BCAS3: variants seen among roughly 807,000 people sequenced by gnomAD.
The protein encoded by BCAS3 is BCAS3 microtubule associated cell migration factor.
Under a neutral mutation model 116.1 loss-of-function variants are expected in BCAS3, and 53 were observed. The observed-to-expected ratio is 0.46, with a 90% CI of 0.37 to 0.57. The LOEUF (loss-of-function observed/expected upper bound fraction) is 0.57, where lower values mean the gene tolerates loss of function less well. BCAS3 is among the 20% of genes least tolerant of loss of function. The pLI, the probability that BCAS3 is intolerant of heterozygous loss-of-function variation, is 0.00. For synonymous variants in BCAS3, 391 were observed against 408.2 expected (o/e 0.96, Z 0.51); for missense variants, 917 against 1,165.4 (o/e 0.79, Z 3.10).
At chr17:61,290,859 T>C (rs570035381) in intron 22 of BCAS3, among the ~76,000 whole-genome samples, 33 of 152,112 alleles carry the variant, frequency 2.2e-4, no homozygotes, top group Non-Finnish European at 3.8e-4. Context: ...CGGCTCACTG[T>C]GAGCTCCGCC....
In BCAS3 at chr17:61,205,183, ATTAT is replaced by A. The variant is rs1428660486; in HGVS notation, c.2425+120626_2425+120629del. Among the ~76,000 whole-genome samples the A allele has an allele frequency of 1.3e-5, 2 of 152,362 alleles. No homozygotes were observed. Among genetic ancestry groups the A allele is most frequent in the African/African-American group, 4.8e-5 (2 of 41,584 alleles). On this transcript the variant is annotated intron_variant, in intron 22 of 23. Coordinates refer to ENST00000407086, the MANE Select transcript of BCAS3 (RefSeq NM_017679.5). The surrounding 1 kb of genome is among the most constrained non-coding windows in gnomAD (Gnocchi z 5.2). ...TTGAAACTGAAAGAAAAAAAAAGGC[ATTAT>A]TTATTTTCCTCCTTTTCTGTCTTCT...
intron 16 of BCAS3, among the ~76,000 whole-genome samples, chr17:61,022,183 G>A (rs1038147525): frequency 6.6e-6 from 1 of 152,128 alleles, no homozygotes; most frequent in Non-Finnish European, 1.5e-5. Flanking sequence ...ACACCATACT[G>A]TAAATCTGGG....
intron 5 of BCAS3, among the ~76,000 whole-genome samples, chr17:60,716,150 C>T (rs998250292): frequency 9.2e-5 from 14 of 152,178 alleles, no homozygotes; most frequent in African/African-American, 3.1e-4. Context: ...CGTGAGCCAC[C>T]GCGCACAGCC....
In BCAS3 at chr17:61,349,751, C is replaced by T. The variant is rs1485635504; in HGVS notation, c.2426-18576C>T. Among the ~76,000 whole-genome samples, 2 of 152,146 alleles carry T rather than the reference C, an allele frequency of 1.3e-5. No individual in the cohort carries two copies. Among genetic ancestry groups the T allele is most frequent in the African/African-American group, 4.8e-5 (2 of 41,420 alleles). ...ACTCTACTTTTTTATATATTTAAGA[C>T]CTAACACTGCTTCATGTCCCCAGCA... On this transcript the variant is annotated intron_variant, in intron 22 of 23. Transcript: ENST00000407086. This position sits in a 1 kb window ranked among gnomAD's most constrained non-coding sequence, Gnocchi z 4.7.
intron 22 of BCAS3, among the ~76,000 whole-genome samples, chr17:61,170,003 T>C (rs2144109846): frequency 6.6e-6 from 1 of 151,870 alleles, no homozygotes; most frequent in East Asian, 2.0e-4. Context: ...TACAGATGGA[T>C]GCCACCTCGC....
At chr17:60,733,815 C>G (rs187021162) in intron 5 of BCAS3, among the ~76,000 whole-genome samples, 93 of 152,204 alleles carry the variant, frequency 6.1e-4, no homozygotes, top group African/African-American at 2.2e-3. Flanking sequence ...CCACTGCACT[C>G]CAGCCTGGGT....
intron 23 of BCAS3, among the ~76,000 whole-genome samples, chr17:61,369,452 G>A (rs927661552): frequency 5.9e-5 from 9 of 152,202 alleles, no homozygotes; most frequent in Non-Finnish European, 8.8e-5. Context: ...TGGGGCAGGC[G>A]CTGATCAGGA....
At chr17:60,882,599 A>G (rs1299621414) in intron 9 of BCAS3, among the ~76,000 whole-genome samples, 1 of 151,964 alleles carries the variant, frequency 6.6e-6, no homozygotes, top group Non-Finnish European at 1.5e-5. Context: ...TCTTTAATCT[A>G]TCTTGAATTG....
chr17:60,887,156 T>G (rs1482723378), intron 9 of BCAS3: 1 of 152,176 alleles, frequency 6.6e-6, no homozygotes, highest in Admixed American at 6.6e-5. Flanking sequence ...GGTGCGCCGT[T>G]TTTTAAGCCG....
chr17:61,157,655 T>C (rs933602592), intron 22 of BCAS3, among the ~76,000 whole-genome samples: 2 of 144,328 alleles, frequency 1.4e-5, no homozygotes, highest in South Asian at 4.8e-4. Context: ...GCATTATAAT[T>C]TATAACTGAA....
chr17:60,952,650 A>T (rs1419117517), intron 14 of BCAS3, among the ~76,000 whole-genome samples: 5 of 152,050 alleles, frequency 3.3e-5, no homozygotes, highest in Admixed American at 6.6e-5. Context: ...AGGGGTACAT[A>T]TGCAGGTTTA....
At chr17:60,922,057 G>T (rs1249789115) in intron 12 of BCAS3, among the ~76,000 whole-genome samples, 1 of 151,442 alleles carries the variant, frequency 6.6e-6, no homozygotes, top group African/African-American at 2.4e-5. Flanking sequence ...ACAATTATTA[G>T]TATATAAATA....
intron 14 of BCAS3, among the ~76,000 whole-genome samples, chr17:60,977,060 C>T (rs922868024): frequency 9.2e-5 from 14 of 152,010 alleles, no homozygotes; most frequent in Admixed American, 6.5e-4. Context: ...GGCGGCCGGG[C>T]GGGGGCTGCC....
intron 14 of BCAS3, among the ~76,000 whole-genome samples, chr17:60,978,775 C>A (rs1217083908): frequency 6.7e-6 from 1 of 148,710 alleles, no homozygotes; most frequent in Non-Finnish European, 1.5e-5. Flanking sequence ...TTCCCCATTG[C>A]TTGTTTTTGT....
At chr17:60,718,147 C>A (rs990947760) in intron 5 of BCAS3, among the ~76,000 whole-genome samples, 18 of 152,304 alleles carry the variant, frequency 1.2e-4, no homozygotes, top group African/African-American at 3.4e-4. Context: ...TTCGCTTTTG[C>A]TTGCCTGCTT....
intron 22 of BCAS3, among the ~76,000 whole-genome samples, chr17:61,120,125 A>T (rs56215872): frequency 0.1 from 15,240 of 152,160 alleles, 2,303 homozygotes; most frequent in African/African-American, 0.33. Context: ...CAATATTGAT[A>T]AAATTATTCT....
chr17:61,336,867 C>G lies in BCAS3; in HGVS notation c.2426-31460C>G, dbSNP rs1001496695. On this transcript the variant is annotated intron_variant, in intron 22 of 23. Transcript: ENST00000407086. ...GTGGCTCACACCTGTAATCCCAGCA[C>G]TTTGGGAGGCCAAGGCGGGCAGATC... Among the ~76,000 whole-genome samples the G allele has an allele frequency of 5.9e-5, 9 of 152,120 alleles. No homozygotes were observed. In the South Asian group the frequency reaches 1.0e-3, roughly 18 times the overall value.
Position 61,078,457 on chromosome 17 carries a change from C to T in BCAS3, c.2255C>T (p.Ser752Phe). The change falls in exon 21 of 24, where the codon TCT becomes TTT. Residue 752 changes from serine to phenylalanine, a missense_variant. This residue lies in a region of BCAS3 where 807 missense variants were observed against 1,026.0 expected (regional missense o/e 0.79). Transcript: ENST00000407086. ...TCATCCAGTTCATCTGTGTTGCAGT[C>T]TCATGGTCCGAGTGACACGCCACAG... ...VISSSSSVLQ[S>F]HGPSDTPQPL... is the part of the protein sequence containing the mutation. 1.2e-6 allele frequency: 2 copies of T among 1,614,168 alleles called. No individual in the cohort carries two copies. Among genetic ancestry groups the T allele is most frequent in the Non-Finnish European group, 8.5e-7 (1 of 1,180,022 alleles).
At chr17:61,305,689 A>G (rs936599999) in intron 22 of BCAS3, among the ~76,000 whole-genome samples, 31 of 152,170 alleles carry the variant, frequency 2.0e-4, no homozygotes, top group African/African-American at 7.5e-4. Context: ...TGAGGTCAGG[A>G]GTTTGAGAGC....
Sources: gnomAD v4.1 joint callset for allele counts (sites outside exome capture counted in the v4.1 genomes callset) on GRCh38, gnomAD v4.1.1 for gene constraint, gnomAD v4.1.1 regional missense constraint, Gnocchi (gnomAD v3.1) non-coding constraint, MANE v1.5 for transcripts, NCBI Gene and HGNC (gene_info 2026-07-23, HGNC 2026-07-21) for gene names.